C1orf141: variants seen among roughly 807,000 people sequenced by gnomAD.
The protein encoded by C1orf141 is chromosome 1 open reading frame 141.
C1orf141 carries 19 observed loss-of-function variants against 23.2 expected under a neutral mutation model. The observed-to-expected ratio is 0.82, with a 90% CI of 0.57 to 1.20. C1orf141 has a LOEUF of 1.20. Among genes scored for constraint, C1orf141 ranks in the 50% most tolerant of loss-of-function variants. The probability of loss-of-function intolerance (pLI) is 0.00; values close to 1 mark genes in which losing one functional copy is unlikely to be tolerated. For synonymous variants in C1orf141, 153 were observed against 154.6 expected (o/e 0.99, Z 0.08); for missense variants, 469 against 455.1 (o/e 1.03, Z -0.28).
At chr1:67,121,674 T>C (rs906322898) in intron 4 of C1orf141, 7 of 152,262 alleles carry the variant, frequency 4.6e-5, no homozygotes, top group African/African-American at 1.7e-4. Context: ...TAATTTTTAA[T>C]GGTGAGTGTT....
rs924393775 is a variant in C1orf141 at position 67,131,234 on chromosome 1, A to G, written c.-103-7T>C. 6.6e-6 allele frequency: 1 copy of G among 152,016 alleles called. No homozygotes were observed. The highest frequency in any genetic ancestry group is 2.4e-5 in the African/African-American group (1 of 41,374). 9.4% of individuals were successfully genotyped at this position (152,016 alleles called of 1,614,324 possible). A position where few individuals can be genotyped will look rare whatever the true frequency, so the allele number is the denominator to read the frequency against. ...CTGGCCAACATGATGAAATCTATTA[A>G]AAAAAGAAAAATACAAAAAAAGAAA... On this transcript the variant is annotated splice_region_variant and splice_polypyrimidine_tract_variant and intron_variant, in intron 1 of 7. Transcript: ENST00000684719.
At chr1:67,102,219 G>A (rs1432132262) in intron 5 of C1orf141, among the ~76,000 whole-genome samples, 11 of 151,926 alleles carry the variant, frequency 7.2e-5, no homozygotes, top group Admixed American at 7.2e-4. Context: ...AGTAGTTACT[G>A]TACAAAATAC....
chr1:67,106,927 C>T (rs565807054), intron 5 of C1orf141, among the ~76,000 whole-genome samples: 1 of 152,088 alleles, frequency 6.6e-6, no homozygotes, highest in Non-Finnish European at 1.5e-5. Flanking sequence ...GATTCAGGAA[C>T]CTGTAGGACA....
At chr1:67,108,450 A>G (rs189249977) in intron 5 of C1orf141, among the ~76,000 whole-genome samples, 1 of 152,332 alleles carries the variant, frequency 6.6e-6, no homozygotes, top group East Asian at 1.9e-4. Context: ...AAGTTTCAAC[A>G]TATGAATTTT....
intron 5 of C1orf141, chr1:67,103,249 G>C: frequency 7.0e-7 from 1 of 1,425,820 alleles, no homozygotes; most frequent in South Asian, 1.5e-5. Flanking sequence ...TGTAAATAAA[G>C]TAGAGTCTTT....
At chr1:67,093,643 T>C (rs1286521777) in intron 7 of C1orf141, 39 bp from the exon 8 acceptor site, 1 of 1,465,296 alleles carries the variant, frequency 6.8e-7, no homozygotes, top group Non-Finnish European at 9.1e-7. Flanking sequence ...CATAAGTTCA[T>C]TGAGTCAAGA....
chr1:67,098,273 C>T (rs1463052415), intron 5 of C1orf141, among the ~76,000 whole-genome samples: 3 of 152,114 alleles, frequency 2.0e-5, no homozygotes, highest in Non-Finnish European at 4.4e-5. Context: ...ATAATCCCAG[C>T]GCTTTAAGAG....
upstream of C1orf141, among the ~76,000 whole-genome samples, chr1:67,137,967 A>G (rs977930880): frequency 6.6e-6 from 1 of 152,174 alleles, no homozygotes; most frequent in South Asian, 2.1e-4. Flanking sequence ...GAGAAGTGTC[A>G]GTATTCTTCA....
intron 5 of C1orf141, chr1:67,103,472 G>T: frequency 1.4e-6 from 1 of 702,304 alleles, no homozygotes; most frequent in Middle Eastern, 3.6e-4. Context: ...ATTCACATTT[G>T]CAATATTGAA....
intron 5 of C1orf141, among the ~76,000 whole-genome samples, chr1:67,101,342 A>G (rs1645793583): frequency 6.6e-6 from 1 of 152,102 alleles, no homozygotes. Context: ...ACAGACTTTG[A>G]ATGCTGCTGA....
chr1:67,125,669 A>T, intron 4 of C1orf141, 83 bp downstream of exon 4: 1 of 1,315,332 alleles, frequency 7.6e-7, no homozygotes, highest in Non-Finnish European at 1.1e-6. Flanking sequence ...ACTGCACTCT[A>T]CCCTAGGCAA....
chr1:67,103,290 G>T, intron 5 of C1orf141: 4 of 1,487,030 alleles, frequency 2.7e-6, no homozygotes, highest in Non-Finnish European at 3.6e-6. Context: ...ACTGAATGTT[G>T]AACATAGGAG....
intron 4 of C1orf141, among the ~76,000 whole-genome samples, chr1:67,119,993 C>T (rs1043948072): frequency 1.3e-5 from 2 of 152,198 alleles, no homozygotes; most frequent in Admixed American, 6.5e-5. Context: ...GTGCAACTCC[C>T]GCTAGGCAGA....
chr1:67,133,862 T>C (rs1646553409), intron 1 of C1orf141, among the ~76,000 whole-genome samples: 1 of 152,166 alleles, frequency 6.6e-6, no homozygotes, highest in African/African-American at 2.4e-5. Flanking sequence ...AGAAAACAAA[T>C]TTCTGTTGTT....
At chr1:67,128,890 AT>A (rs1646468648) in intron 2 of C1orf141, among the ~76,000 whole-genome samples, 1 of 152,162 alleles carries the variant, frequency 6.6e-6, no homozygotes, top group Non-Finnish European at 1.5e-5. Flanking sequence ...AATCTCTGAT[AT>A]TTCTCCTATA....
chr1:67,117,522 CT>C (rs1646218991), intron 4 of C1orf141, among the ~76,000 whole-genome samples: 1 of 152,130 alleles, frequency 6.6e-6, no homozygotes, highest in Non-Finnish European at 1.5e-5. Flanking sequence ...TTTGTTCTCT[CT>C]TTTAAAAATA....
At chr1:67,108,714 C>A (rs1645992125) in intron 5 of C1orf141, among the ~76,000 whole-genome samples, 1 of 151,936 alleles carries the variant, frequency 6.6e-6, no homozygotes, top group African/African-American at 2.4e-5. Flanking sequence ...GGTGATGGAG[C>A]AAGACTCTGT....
At chr1:67,106,565 G>A (rs1645931646) in intron 5 of C1orf141, among the ~76,000 whole-genome samples, 1 of 152,146 alleles carries the variant, frequency 6.6e-6, no homozygotes, top group Non-Finnish European at 1.5e-5. Context: ...GGTTGAGACA[G>A]GAGAATCGCT....
chr1:67,101,106 G>A (rs1042620854), intron 5 of C1orf141, among the ~76,000 whole-genome samples: 1 of 151,996 alleles, frequency 6.6e-6, no homozygotes, highest in African/African-American at 2.4e-5. Context: ...GCTACTTGAT[G>A]GAATCATGTT....
Sources: allele counts gnomAD v4.1 joint callset (sites outside exome capture counted in the v4.1 genomes callset), GRCh38; gene constraint gnomAD v4.1.1; transcripts MANE v1.5; gene names NCBI Gene and HGNC (gene_info 2026-07-23, HGNC 2026-07-21).